CCDC186: variants seen among roughly 807,000 people sequenced by gnomAD.
CCDC186 encodes coiled-coil domain-containing protein 186.
A neutral mutation model predicts 113.7 loss-of-function variants in CCDC186; 49 were observed. The ratio of observed to expected loss-of-function variants is 0.43; its 90% CI spans 0.34 to 0.55. The LOEUF is 0.55. CCDC186 is among the 20% of genes least tolerant of loss of function. The pLI is 0.02. For synonymous variants in CCDC186, 355 were observed against 345.8 expected (o/e 1.03, Z -0.30); for missense variants, 890 against 1,011.1 (o/e 0.88, Z 1.62).
chr10:114,147,643 T>C (rs1435569453), intron 4 of CCDC186, among the ~76,000 whole-genome samples: 2 of 152,210 alleles, frequency 1.3e-5, no homozygotes, highest in East Asian at 3.8e-4. Flanking sequence ...AGAATTTCTG[T>C]CATGGTAATA....
At position 114,166,653 on chromosome 10, in the gene CCDC186, C is replaced by T. The variant is rs539832082; in HGVS notation, c.-61-3324G>A. Reference sequence around the variant, plus strand: ...ACATATTCTCTACTACATTTACACGCATTTTTGCAAATGCTCTTCAGTGGC... The same window carrying T: ...ACATATTCTCTACTACATTTACACGTATTTTTGCAAATGCTCTTCAGTGGC... On this transcript the variant is annotated intron_variant, in intron 1 of 15. Coordinates refer to ENST00000369287, the MANE Select transcript of CCDC186 (RefSeq NM_018017.4). 7.9e-5 allele frequency among the ~76,000 whole-genome samples: 12 copies of T among 152,302 alleles called. No individual in the cohort carries two copies. The South Asian group carries it at 2.1e-3, about 26-fold the overall frequency.
rs1289092510 is a variant in CCDC186, at chr10:114,174,035, G to A, written c.-82C>T. 2.1e-6 allele frequency: 1 copy of A among 471,794 alleles called. No individual in the cohort carries two copies. Among genetic ancestry groups the A allele is most frequent in the South Asian group, 1.5e-5 (1 of 64,574 alleles). The allele number at this position is 471,794 out of a possible 1,614,324, so 29.2% of individuals were successfully genotyped here. Reference sequence around the variant, plus strand: ...CTTACCCCACTTATCCAAGCCTCAGGCCACGCCCTAACAAGGCTGCTGGAG... The same window carrying A: ...CTTACCCCACTTATCCAAGCCTCAGACCACGCCCTAACAAGGCTGCTGGAG... On this transcript the variant is annotated 5_prime_UTR_variant, in exon 1 of 16. Transcript: ENST00000369287.
rs573190089 is a variant in CCDC186, at chr10:114,146,603, G to C, written c.889-842C>G. Among the ~76,000 whole-genome samples, 4 of 152,230 alleles carry C rather than the reference G, an allele frequency of 2.6e-5. No individual in the cohort carries two copies. The East Asian group carries it at 7.7e-4, about 29-fold the overall frequency. On this transcript the variant is annotated intron_variant, in intron 4 of 15. Transcript: ENST00000369287. The stretch of plus-strand genomic sequence containing the variant: ...ATACTCATTTAAAAATTTTCTATTA[G>C]TATGAACTGGTACTCCATATTCTGA...
intron 13 of CCDC186, among the ~76,000 whole-genome samples, chr10:114,129,347 G>A (rs576668808): frequency 2.7e-5 from 4 of 150,480 alleles, no homozygotes; most frequent in East Asian, 1.9e-4. Context: ...AAAACACAAC[G>A]AATAAAAAAG....
At chr10:114,167,562 T>C (rs1225661777) in intron 1 of CCDC186, among the ~76,000 whole-genome samples, 2 of 150,402 alleles carry the variant, frequency 1.3e-5, no homozygotes, top group African/African-American at 2.5e-5. Context: ...GGGAGAGAGG[T>C]ATGGGGTAAA....
intron 1 of CCDC186, chr10:114,165,981 T>A: frequency 1.0e-6 from 1 of 954,102 alleles, no homozygotes; most frequent in Non-Finnish European, 1.2e-6. Flanking sequence ...TTTTTTTTAA[T>A]GGCTAGAACC....
intron 5 of CCDC186, 127 bp from the exon 6 acceptor site, chr10:114,144,743 A>C: frequency 1.4e-6 from 1 of 720,434 alleles, no homozygotes; most frequent in Non-Finnish European, 2.1e-6. Flanking sequence ...TAGCCCACAG[A>C]CTATAAAACT....
In CCDC186 at chr10:114,125,050, G is replaced by T; in HGVS notation, c.*93C>A. Reference sequence around the variant, plus strand: ...AAGCAAAACAATATTTTTACTGGCTGAAACAAAAAGTGGAACAAAGTCTCC... The same window carrying T: ...AAGCAAAACAATATTTTTACTGGCTTAAACAAAAAGTGGAACAAAGTCTCC... On this transcript the variant is annotated 3_prime_UTR_variant, in exon 16 of 16. Coordinates refer to ENST00000369287, the MANE Select transcript of CCDC186 (RefSeq NM_018017.4). 1.1e-6 allele frequency: 1 copy of T among 907,032 alleles called. No individual in the cohort carries two copies. The highest frequency in any genetic ancestry group is 1.7e-6 in the Non-Finnish European group (1 of 601,884). 56.2% of individuals were successfully genotyped at this position (907,032 alleles called of 1,614,324 possible).
At chr10:114,142,789 C>A (rs550817258) in intron 6 of CCDC186, among the ~76,000 whole-genome samples, 53 of 152,224 alleles carry the variant, frequency 3.5e-4, no homozygotes, top group Non-Finnish European at 7.4e-4. Flanking sequence ...TGGGCAGGAA[C>A]CAGAAACCAG....
intron 12 of CCDC186, 146 bp downstream of exon 12, chr10:114,131,001 T>C (rs868032399): frequency 5.2e-6 from 3 of 580,506 alleles, no homozygotes; most frequent in Non-Finnish European, 5.4e-6. Context: ...GGTCATGAAA[T>C]TCCAAGAAGT....
In CCDC186 at chr10:114,138,320, G is replaced by A. The variant is rs1300678731; in HGVS notation, c.1222-1030C>T. ...TTTTTTTTTTTTTTTTGGAGACAGCGTCTCATTCTGTCACTCAGGCTTGAG... is the reference window on the plus strand; with the variant it reads ...TTTTTTTTTTTTTTTTGGAGACAGCATCTCATTCTGTCACTCAGGCTTGAG... On this transcript the variant is annotated intron_variant, in intron 6 of 15. Transcript: ENST00000369287. Among the ~76,000 whole-genome samples the A allele has an allele frequency of 5.5e-5, 7 of 126,198 alleles. No homozygotes were observed. The South Asian group carries it at 1.0e-3, about 18-fold the overall frequency. The allele number at this position is 126,198 out of a possible 152,430, so 82.8% of individuals were successfully genotyped here.
intron 4 of CCDC186, among the ~76,000 whole-genome samples, chr10:114,149,419 G>T (rs971686946): frequency 6.6e-6 from 1 of 152,084 alleles, no homozygotes; most frequent in South Asian, 2.1e-4. Flanking sequence ...CCTTTAGGAA[G>T]GGGGTAAAAT....
At chr10:114,169,108 C>G (rs1022488357) in intron 1 of CCDC186, among the ~76,000 whole-genome samples, 2 of 151,924 alleles carry the variant, frequency 1.3e-5, no homozygotes, top group Non-Finnish European at 2.9e-5. Flanking sequence ...AGTATTTTAA[C>G]TTTAAGGTTT....
intron 13 of CCDC186, among the ~76,000 whole-genome samples, chr10:114,127,887 T>C (rs896679121): frequency 1.3e-5 from 2 of 152,052 alleles, no homozygotes; most frequent in African/African-American, 4.8e-5. Context: ...GAAGTGGTAA[T>C]AGAGCAACAA....
rs141201617 is a variant in CCDC186, at chr10:114,162,893, T to C, written c.376A>G (p.Thr126Ala). Reference protein sequence around the residue: ...TQILVELRSSTFPESANEKTY... With the variant: ...TQILVELRSSAFPESANEKTY... ...TTTTCATTAGCTGATTCTGGAAATG[T>C]AGATGACCTTAATTCCACCAATATT... The change falls in exon 2 of 16, where the codon ACA becomes GCA. Residue 126 changes from threonine to alanine, a missense_variant. Physicochemically the swap from Thr to Ala is moderately conservative, Grantham distance 58. Transcript: ENST00000369287. The C allele has an allele frequency of 4.8e-5, 78 of 1,613,906 alleles. No homozygotes were observed. The highest frequency in any genetic ancestry group is 7.7e-5 in the South Asian group (7 of 91,070).
intron 1 of CCDC186, chr10:114,168,088 G>A (rs1027262180): frequency 6.6e-5 from 10 of 152,142 alleles, no homozygotes; most frequent in Non-Finnish European, 1.3e-4. Context: ...CTCATTAGGA[G>A]AAATACTATA....
chr10:114,168,790 T>A (rs1349541341), intron 1 of CCDC186, among the ~76,000 whole-genome samples: 1 of 152,226 alleles, frequency 6.6e-6, no homozygotes, highest in African/African-American at 2.4e-5. Flanking sequence ...AAACTTTCTC[T>A]ATTGCAATAC....
intron 10 of CCDC186, among the ~76,000 whole-genome samples, chr10:114,132,534 T>C (rs563204575): frequency 2.0e-5 from 3 of 152,212 alleles, no homozygotes; most frequent in East Asian, 1.9e-4. Flanking sequence ...AAAGATCAGA[T>C]AGTAAATAAG....
chr10:114,142,563 T>C (rs554138807), intron 6 of CCDC186, among the ~76,000 whole-genome samples: 6 of 152,382 alleles, frequency 3.9e-5, no homozygotes, highest in African/African-American at 1.4e-4. Flanking sequence ...CTTCTGTTTT[T>C]ACAGGCTAGG....
Sources: allele counts gnomAD v4.1 joint callset (sites outside exome capture counted in the v4.1 genomes callset), GRCh38; gene constraint gnomAD v4.1.1; transcripts MANE v1.5; gene names NCBI Gene and HGNC (gene_info 2026-07-23, HGNC 2026-07-21).